The following MAPKBP1 variants were observed in gnomAD, a reference collection of about 807,000 sequenced individuals.
MAPKBP1 encodes mitogen-activated protein kinase-binding protein 1.
Under a neutral mutation model 170.5 loss-of-function variants are expected in MAPKBP1, and 71 were observed. The ratio of observed to expected loss-of-function variants is 0.42; its 90% CI spans 0.34 to 0.51. The LOEUF is 0.51. MAPKBP1 is among the 20% of genes least tolerant of loss of function. The probability of loss-of-function intolerance (pLI) is 0.06; values close to 1 mark genes in which losing one functional copy is unlikely to be tolerated. For synonymous variants in MAPKBP1, 719 were observed against 757.9 expected (o/e 0.95, Z 0.84); for missense variants, 1,598 against 1,933.0 (o/e 0.83, Z 3.25).
chr15:41,791,441 T>A (rs1442572010), intron 2 of MAPKBP1, among the ~76,000 whole-genome samples: 1 of 152,118 alleles, frequency 6.6e-6, no homozygotes, highest in Non-Finnish European at 1.5e-5. Context: ...TCCTGCCAAC[T>A]TCTGTTGTGG....
chr15:41,779,600 C>T (rs969114473), intron 2 of MAPKBP1, among the ~76,000 whole-genome samples: 1 of 152,212 alleles, frequency 6.6e-6, no homozygotes, highest in African/African-American at 2.4e-5. Context: ...CTGCCACAGC[C>T]TCCCAAAGTG....
At chr15:41,785,935 A>G (rs1471885374) in intron 2 of MAPKBP1, among the ~76,000 whole-genome samples, 1 of 152,220 alleles carries the variant, frequency 6.6e-6, no homozygotes, top group East Asian at 1.9e-4. Context: ...AGGTGTATCT[A>G]ATTGAATTTT....
chr15:41,824,573 G>T lies in MAPKBP1; in HGVS notation c.4299+4G>T, dbSNP rs1416966800. Reference sequence around the variant, plus strand: ...GGCAGTGCGGCTCTACCACTCGGTGGGTGTTAGGTGCCCCCCGGCAGGAAG... The same window carrying T: ...GGCAGTGCGGCTCTACCACTCGGTGTGTGTTAGGTGCCCCCCGGCAGGAAG... On this transcript the variant is annotated splice_donor_region_variant and intron_variant, in intron 30 of 30. Coordinates refer to ENST00000457542, the MANE Select transcript of MAPKBP1 (RefSeq NM_014994.3). 1.9e-6 allele frequency: 3 copies of T among 1,587,940 alleles called. No homozygotes were observed. The highest frequency in any genetic ancestry group is 2.6e-6 in the Non-Finnish European group (3 of 1,169,322).
chr15:41,784,646 G>A (rs2064250297), intron 2 of MAPKBP1, among the ~76,000 whole-genome samples: 1 of 151,924 alleles, frequency 6.6e-6, no homozygotes, highest in Non-Finnish European at 1.5e-5. Context: ...GCTGGGCGTG[G>A]TGGCGCACAC....
intron 2 of MAPKBP1, among the ~76,000 whole-genome samples, chr15:41,791,133 G>A (rs1252990960): frequency 6.6e-6 from 1 of 152,104 alleles, no homozygotes. Flanking sequence ...GCAAGTCCAT[G>A]GTTTGGCTGG....
At chr15:41,807,280 G>A (rs2064714768) in intron 3 of MAPKBP1, among the ~76,000 whole-genome samples, 2 of 152,186 alleles carry the variant, frequency 1.3e-5, no homozygotes, top group Non-Finnish European at 2.9e-5. Flanking sequence ...ATAGGAGAAG[G>A]AGGAAACAGA....
chr15:41,823,614 A>G lies in MAPKBP1; in HGVS notation c.3766A>G (p.Ile1256Val), dbSNP rs1479219995. The change falls in exon 29 of 31, where the codon ATC (isoleucine) becomes GTC (valine). Residue 1256 changes from isoleucine to valine, a missense_variant. Physicochemically the swap from Ile to Val is conservative, Grantham distance 29. Around this residue, in one of 6 missense-constraint regions of MAPKBP1, gnomAD observed 942 missense variants for 953.2 expected, o/e 0.99. Coordinates refer to ENST00000457542, the MANE Select transcript of MAPKBP1 (RefSeq NM_014994.3). Reference protein sequence around the residue: ...TSSMAKISRSISVGENLGLVA... With the variant: ...TSSMAKISRSVSVGENLGLVA... ...TTCCATGGCCAAGATATCCCGCAGT[A>G]TCTCTGTTGGGGAGAACCTGGGCCT... 2 of 1,613,976 alleles carry G rather than the reference A, an allele frequency of 1.2e-6. No homozygotes were observed. The highest frequency in any genetic ancestry group is 1.1e-5 in the South Asian group (1 of 91,076).
chr15:41,790,066 G>A (rs1011662524), intron 2 of MAPKBP1, among the ~76,000 whole-genome samples: 2 of 152,208 alleles, frequency 1.3e-5, no homozygotes, highest in African/African-American at 4.8e-5. Flanking sequence ...TCATGAAGTT[G>A]TCAAGAGTAT....
In MAPKBP1 at chr15:41,812,936, C is replaced by T. The variant is rs1465337480; in HGVS notation, c.654C>T (p.Pro218=). The change falls in exon 8 of 31, where the codon CCC becomes CCT. Residue 218 remains proline (P), a synonymous_variant. Transcript: ENST00000457542. ...SKTSKVNATV[P]LLGRSGLLGE... is the part of the protein sequence containing the mutation. ...CTCCACAGGTGAATGCCACTGTGCC[C>T]TTGCTGGGCCGCTCAGGGCTGCTGG... 1.2e-6 allele frequency: 2 copies of T among 1,604,396 alleles called. No homozygotes were observed. The highest frequency in any genetic ancestry group is 1.7e-6 in the Non-Finnish European group (2 of 1,175,092).
chr15:41,784,893 TAAAAAAAAAA>T (rs35451237), intron 2 of MAPKBP1, among the ~76,000 whole-genome samples: 2 of 105,688 alleles, frequency 1.9e-5, no homozygotes, highest in Admixed American at 2.1e-4. Flanking sequence ...ACCCTATCTG[TAAAAAAAAAA>T]AAAAAAAAAA....
chr15:41,820,790 G>A lies in MAPKBP1; in HGVS notation c.2482-42G>A, dbSNP rs369780974. On this transcript the variant is annotated intron_variant, in intron 22 of 30. Transcript: ENST00000457542. ...TGTGGATATTTGTTGATCTTACTGT[G>A]TGGTTGTTGTTACTCCTCCCCCACC... 73 of 1,419,432 alleles carry A rather than the reference G, an allele frequency of 5.1e-5. No individual in the cohort carries two copies. In the African/African-American group the frequency reaches 9.5e-4, roughly 19 times the overall value. The allele number at this position is 1,419,432 out of a possible 1,614,324, so 87.9% of individuals were successfully genotyped here. A position where few individuals can be genotyped will look rare whatever the true frequency, so the allele number is the denominator to read the frequency against.
At chr15:41,813,501 C>T (rs2075635853) in intron 8 of MAPKBP1, 120 bp from the exon 9 acceptor site, 2 of 1,467,270 alleles carry the variant, frequency 1.4e-6, no homozygotes, top group East Asian at 2.3e-5. Flanking sequence ...AGCTGGGCGG[C>T]TTTTCCCTTG....
Position 41,775,522 on chromosome 15 carries a change from C to T in MAPKBP1, c.114+133C>T, listed in dbSNP as rs535365240. 6.0e-5 allele frequency: 41 copies of T among 679,410 alleles called. No homozygotes were observed. In the South Asian group the frequency reaches 7.3e-4, roughly 12 times the overall value. 42.1% of individuals were successfully genotyped at this position (679,410 alleles called of 1,614,324 possible). On this transcript the variant is annotated intron_variant, in intron 2 of 30. Transcript: ENST00000457542. Reference sequence around the variant, plus strand: ...TCTAAAGGATCACATATGATCTCTGCAGGCAATGATTTGGTTTTAGGTTGA... The same window carrying T: ...TCTAAAGGATCACATATGATCTCTGTAGGCAATGATTTGGTTTTAGGTTGA...
Position 41,824,431 on chromosome 15 carries a change from G to A in MAPKBP1, c.4214-53G>A, listed in dbSNP as rs1288405716. 2.0e-6 allele frequency: 3 copies of A among 1,495,580 alleles called. No homozygotes were observed. The African/African-American group carries it at 4.2e-5, about 21-fold the overall frequency. The allele number at this position is 1,495,580 out of a possible 1,614,324, so 92.6% of individuals were successfully genotyped here. On this transcript the variant is annotated intron_variant, in intron 29 of 30. Transcript: ENST00000457542. ...CTGTTCTGAGTGTCTTGGGTGCGGA[G>A]GCCTGAAAGGGCTACATGCTGGGCC...
At chr15:41,795,184 AAAAG>A (rs1254241223) in intron 2 of MAPKBP1, among the ~76,000 whole-genome samples, 1 of 151,874 alleles carries the variant, frequency 6.6e-6, no homozygotes, top group Non-Finnish European at 1.5e-5. Context: ...AAAAAAAAGA[AAAAG>A]AAAAAAGAAA....
chr15:41,811,631 G>T (rs547526022), intron 5 of MAPKBP1: 13 of 617,482 alleles, frequency 2.1e-5, no homozygotes, highest in Non-Finnish European at 3.3e-5. Flanking sequence ...TGGCGGCGTA[G>T]TCTTACTAGG....
At chr15:41,799,423 T>A (rs1373274129) in intron 2 of MAPKBP1, among the ~76,000 whole-genome samples, 1 of 152,182 alleles carries the variant, frequency 6.6e-6, no homozygotes, top group Non-Finnish European at 1.5e-5. Context: ...CCTTCATGCC[T>A]GCCAAAGCAC....
At chr15:41,814,820 A>G (rs1002385506) in intron 10 of MAPKBP1, 81 bp downstream of exon 10, 5 of 1,508,908 alleles carry the variant, frequency 3.3e-6, no homozygotes, top group Non-Finnish European at 3.6e-6. Context: ...GGGATCCCCA[A>G]GTATAATCTT....
rs1287037138 is a variant in MAPKBP1 at position 41,825,356 on chromosome 15, G to A, written c.4447G>A (p.Glu1483Lys). ...CAGCAGCCCTGGGGCTGTGGGAGCC[G>A]AGCAGACACAGGCCCTGCTGGAGCA... ...PGSSPGAVGAEQTQALLEQYS... is the reference protein window; with the variant it reads ...PGSSPGAVGAKQTQALLEQYS... The change falls in exon 31 of 31, where the codon GAG becomes AAG. Residue 1483 changes from glutamate to lysine, a missense_variant. Glu to Lys is a moderately conservative substitution (Grantham distance 56). This residue lies in a region of MAPKBP1 where 942 missense variants were observed against 953.2 expected (regional missense o/e 0.99). Coordinates refer to ENST00000457542, the MANE Select transcript of MAPKBP1 (RefSeq NM_014994.3). 2.5e-6 allele frequency: 4 copies of A among 1,613,368 alleles called. No homozygotes were observed. Among genetic ancestry groups the A allele is most frequent in the Non-Finnish European group, 3.4e-6 (4 of 1,179,992 alleles).
Sources: gnomAD v4.1 joint callset for allele counts (sites outside exome capture counted in the v4.1 genomes callset) on GRCh38, gnomAD v4.1.1 for gene constraint, gnomAD v4.1.1 regional missense constraint, MANE v1.5 for transcripts, NCBI Gene and HGNC (gene_info 2026-07-23, HGNC 2026-07-21) for gene names.